The following SYT3 variants were observed in gnomAD, a reference collection of about 807,000 sequenced individuals.
SYT3 encodes synaptotagmin 3.
SYT3 carries 25 observed loss-of-function variants against 50.6 expected under a neutral mutation model. That is an observed-to-expected ratio of 0.49 (90% confidence interval 0.36 to 0.69). The LOEUF (loss-of-function observed/expected upper bound fraction) is 0.69. Among genes scored for constraint, SYT3 ranks in the 30% least tolerant of loss-of-function variants. The probability of loss-of-function intolerance (pLI) is 0.00; values close to 1 mark genes in which losing one functional copy is unlikely to be tolerated. For synonymous variants in SYT3, 323 were observed against 353.9 expected (o/e 0.91, Z 0.98); for missense variants, 589 against 793.6 (o/e 0.74, Z 3.10).
the SYT3 span, among the ~76,000 whole-genome samples, chr19:50,647,519 T>C: frequency 2.7e-5 from 4 of 150,914 alleles, no homozygotes; most frequent in Non-Finnish European, 5.9e-5. Context: ...GACTCCATCT[T>C]AAAAAAAATA....
chr19:50,632,381 T>TC lies in SYT3; in HGVS notation c.578dup (p.Ala194SerfsTer54). 4 of 1,612,690 alleles carry TC rather than the reference T, an allele frequency of 2.5e-6. No individual in the cohort carries two copies. Among genetic ancestry groups the TC allele is most frequent in the Non-Finnish European group, 1.7e-6 (2 of 1,179,188 alleles). On this transcript the variant is annotated frameshift_variant, in exon 4 of 11. Transcript: ENST00000600079. LOFTEE classifies it high-confidence loss of function. This position sits in a 1 kb window ranked among gnomAD's most constrained non-coding sequence, Gnocchi z 4.7. ...GCAGCAGGAGCAACCCAGAGCCTGCTCCCCCCTCAGAGGGCAGCTCAGGGG... is the reference window on the plus strand; with the variant it reads ...GCAGCAGGAGCAACCCAGAGCCTGCTCCCCCCCTCAGAGGGCAGCTCAGGGG...
At chr19:50,648,341 T>A in the SYT3 span, among the ~76,000 whole-genome samples, 43 of 152,178 alleles carry the variant, frequency 2.8e-4, no homozygotes, top group African/African-American at 1.0e-3. Flanking sequence ...TGCCACCACC[T>A]AGAACGAATA....
chr19:50,625,585 AG>A lies in SYT3; in HGVS notation c.1403-22del. ...GGGGTCTGGGAACAGCAATGAAGTA[AG>A]GAACAGAGACTCACTCCCTCAGACC... On this transcript the variant is annotated intron_variant, in intron 7 of 10. Coordinates refer to ENST00000600079, the MANE Select transcript of SYT3 (RefSeq NM_001160329.2). The surrounding 1 kb of genome is among the most constrained non-coding windows in gnomAD (Gnocchi z 7.5). 6.4e-7 allele frequency: 1 copy of A among 1,555,070 alleles called. No individual in the cohort carries two copies. The highest frequency in any genetic ancestry group is 8.7e-7 in the Non-Finnish European group (1 of 1,151,794).
Position 50,629,491 on chromosome 19 carries a change from G to C in SYT3, c.1084C>G (p.Pro362Ala). The C allele has an allele frequency of 6.2e-7, 1 of 1,613,766 alleles. No individual in the cohort carries two copies. Among genetic ancestry groups the C allele is most frequent in the African/African-American group, 1.3e-5 (1 of 75,016 alleles). Residue 362 changes from proline (P) to alanine (A), a missense_variant, in exon 6 of 11, where the codon CCC (proline) becomes GCC (alanine). Around this residue, in one of 2 missense-constraint regions of SYT3, gnomAD observed 273 missense variants for 439.3 expected, o/e 0.62. Transcript: ENST00000600079. Reference protein sequence around the residue: ...QTKVHRKTLNPVFNETFQFSV... With the variant: ...QTKVHRKTLNAVFNETFQFSV... ...AATTGAAACGTCTCATTGAAGACGG[G>C]GTTCAGGGTCTTCCTGTGCACCTGG... is the stretch of plus-strand genomic sequence containing the variant.
upstream of SYT3, among the ~76,000 whole-genome samples, chr19:50,643,940 G>A (rs1446645056): frequency 6.6e-6 from 1 of 152,200 alleles, no homozygotes; most frequent in East Asian, 1.9e-4. Context: ...AGAAGGATGA[G>A]TAGGCATAAG....
At chr19:50,641,251 C>G (rs1984672443), upstream of SYT3, among the ~76,000 whole-genome samples, 2 of 141,906 alleles carry the variant, frequency 1.4e-5, no homozygotes, top group East Asian at 2.2e-4. Context: ...GCGATCTGGG[C>G]TCACTGAAAG....
At chr19:50,627,961 C>G (rs1984137671) in intron 6 of SYT3, among the ~76,000 whole-genome samples, 2 of 152,192 alleles carry the variant, frequency 1.3e-5, no homozygotes, top group South Asian at 4.1e-4. Flanking sequence ...ACTTCAATCT[C>G]AAAGGCTGGG....
chr19:50,628,252 A>C (rs1984147618), intron 6 of SYT3, among the ~76,000 whole-genome samples: 1 of 152,028 alleles, frequency 6.6e-6, no homozygotes. Context: ...TGTAGAGTTG[A>C]GGATCTGAGA....
At position 50,625,368 on chromosome 19, in the gene SYT3, C is replaced by A. The variant is rs1046598416; in HGVS notation, c.1574+25G>T. 4.6e-6 allele frequency: 7 copies of A among 1,535,612 alleles called. No homozygotes were observed. The East Asian group carries it at 9.9e-5, about 22-fold the overall frequency. ...TCCCCACCCCAGCCCTCCTGCCTGA[C>A]CCCCGCCCGGGCCGCGCCCCTCACC... On this transcript the variant is annotated intron_variant, in intron 8 of 10. Transcript: ENST00000600079. This position sits in a 1 kb window ranked among gnomAD's most constrained non-coding sequence, Gnocchi z 7.5.
At chr19:50,656,122 C>T in the SYT3 span, 10 of 1,536,132 alleles carry the variant, frequency 6.5e-6, no homozygotes, top group Admixed American at 2.0e-5. Flanking sequence ...ATCAAATCCT[C>T]GTGAGTTGTC....
chr19:50,657,356 G>T, the SYT3 span, among the ~76,000 whole-genome samples: 1 of 152,206 alleles, frequency 6.6e-6, no homozygotes, highest in Admixed American at 6.5e-5. Flanking sequence ...CTTTCTGGAA[G>T]TGACATCATT....
chr19:50,645,564 C>G, the SYT3 span, among the ~76,000 whole-genome samples: 1 of 152,054 alleles, frequency 6.6e-6, no homozygotes, highest in Non-Finnish European at 1.5e-5. Context: ...CAGTGAGAGA[C>G]AGAGATACAG....
At chr19:50,628,338 C>G (rs933333329) in intron 6 of SYT3, among the ~76,000 whole-genome samples, 14 of 152,016 alleles carry the variant, frequency 9.2e-5, no homozygotes, top group African/African-American at 3.4e-4. Context: ...ATTGGAGGTA[C>G]AGGGAGAATG....
the SYT3 span, among the ~76,000 whole-genome samples, chr19:50,650,249 A>G: frequency 6.6e-6 from 1 of 152,152 alleles, no homozygotes; most frequent in Admixed American, 6.5e-5. Flanking sequence ...CCTGCTGACA[A>G]CTTCAGGCTC....
At chr19:50,641,240 C>T (rs1052195003), upstream of SYT3, among the ~76,000 whole-genome samples, 1 of 136,438 alleles carries the variant, frequency 7.3e-6, no homozygotes, top group African/African-American at 2.8e-5. Flanking sequence ...AGTGTAGTGG[C>T]GCGATCTGGG....
the SYT3 span, among the ~76,000 whole-genome samples, chr19:50,646,964 G>A: frequency 6.6e-6 from 1 of 151,990 alleles, no homozygotes; most frequent in African/African-American, 2.4e-5. Context: ...CCAAGTAGCT[G>A]GGACTACAGG....
chr19:50,653,682 G>GCACACA, the SYT3 span, among the ~76,000 whole-genome samples: 227 of 121,918 alleles, frequency 1.9e-3, 1 homozygote, highest in East Asian at 3.7e-3. Context: ...ATGAGAGACA[G>GCACACA]CACACACACA....
the SYT3 span, among the ~76,000 whole-genome samples, chr19:50,647,498 CA>C: frequency 1.3e-5 from 2 of 151,514 alleles, no homozygotes; most frequent in African/African-American, 4.9e-5. Flanking sequence ...CCAGCTTGGG[CA>C]ACACGGTGAG....
chr19:50,634,707 C>G (rs999659626), intron 3 of SYT3, among the ~76,000 whole-genome samples: 3 of 150,478 alleles, frequency 2.0e-5, no homozygotes, highest in African/African-American at 7.3e-5. Flanking sequence ...CCTGAGCCTC[C>G]TGAGTAGCTG....
Sources: gnomAD v4.1 joint callset for allele counts (sites outside exome capture counted in the v4.1 genomes callset) on GRCh38, gnomAD v4.1.1 for gene constraint, gnomAD v4.1.1 regional missense constraint, Gnocchi (gnomAD v3.1) non-coding constraint, MANE v1.5 for transcripts, NCBI Gene and HGNC (gene_info 2026-07-23, HGNC 2026-07-21) for gene names.